IFT140: variants seen among roughly 807,000 people sequenced by gnomAD.
The protein encoded by IFT140 is intraflagellar transport protein 140 homolog.
In IFT140, 133 loss-of-function variants were observed where a neutral mutation model predicts 164.6. That is an observed-to-expected ratio of 0.81 (90% CI 0.70 to 0.93). The LOEUF (loss-of-function observed/expected upper bound fraction) is 0.93, where lower values mean the gene tolerates loss of function less well. Ranked by LOEUF, IFT140 falls within the 40% of genes least tolerant of loss-of-function variation. IFT140 has a pLI of 0.00. For synonymous variants in IFT140, 860 were observed against 817.3 expected (o/e 1.05, Z -0.89); for missense variants, 2,045 against 1,972.3 (o/e 1.04, Z -0.70).
chr16:1,569,543 T>C (rs1191834383), intron 14 of IFT140, among the ~76,000 whole-genome samples: 1 of 146,840 alleles, frequency 6.8e-6, no homozygotes, highest in Non-Finnish European at 1.5e-5. Context: ...TCTTTTTGTC[T>C]TTTCCCTCCA....
In IFT140 at chr16:1,587,231, T is replaced by C. The variant is rs1279880410; in HGVS notation, c.976A>G (p.Asn326Asp). 8.1e-6 allele frequency: 13 copies of C among 1,612,136 alleles called. No homozygotes were observed. Among genetic ancestry groups the C allele is most frequent in the Non-Finnish European group, 1.1e-5 (13 of 1,178,194 alleles). ...DEKFGFEKGE[N>D]MNCVCYCKVK... is the part of the protein sequence containing the mutation. ...TTACAGTAACACACACAGTTCATAT[T>C]CTCTCCTTTCTCAAAGCCAAACTTC... Residue 326 changes from asparagine (N) to aspartate (D), a missense_variant, in exon 9 of 31, where the codon AAT becomes GAT. By Grantham distance (23) the Asn-to-Asp change is conservative. Coordinates refer to ENST00000426508, the MANE Select transcript of IFT140 (RefSeq NM_014714.4).
rs1022757901 is a variant in IFT140, at chr16:1,555,202, T to C, written c.2399+2733A>G. 1.8e-5 allele frequency: 14 copies of C among 796,366 alleles called. No individual in the cohort carries two copies. In the Admixed American group the frequency reaches 3.0e-4, roughly 17 times the overall value. The allele number at this position is 796,366 out of a possible 1,614,324, so 49.3% of individuals were successfully genotyped here. A position where few individuals can be genotyped will look rare whatever the true frequency, so the allele number is the denominator to read the frequency against. ...TGCGTTTACTGTTATGTCGGTCATA[T>C]GTCTGTACGTGTCGTGGGCCAACCT... On this transcript the variant is annotated intron_variant, in intron 19 of 30. Coordinates refer to ENST00000426508, the MANE Select transcript of IFT140 (RefSeq NM_014714.4).
intron 8 of IFT140, 64 bp downstream of exon 8, chr16:1,587,869 G>T: frequency 7.8e-7 from 1 of 1,287,822 alleles, no homozygotes; most frequent in Non-Finnish European, 1.1e-6. Context: ...ACACAAAGCT[G>T]ACTTAGAGGA....
chr16:1,590,384 A>C (rs560574612), intron 6 of IFT140, among the ~76,000 whole-genome samples: 13 of 151,954 alleles, frequency 8.6e-5, no homozygotes, highest in African/African-American at 2.7e-4. Flanking sequence ...CGGAGCTCTG[A>C]GTCCACCTCA....
intron 11 of IFT140, 127 bp downstream of exon 11, chr16:1,584,090 T>TA (rs2034731118): frequency 1.4e-6 from 1 of 705,096 alleles, no homozygotes; most frequent in South Asian, 1.8e-5. Flanking sequence ...ATCCAGGAAA[T>TA]AAGAGAATCT....
chr16:1,563,038 A>G (rs73497599), intron 17 of IFT140, among the ~76,000 whole-genome samples: 3,771 of 152,056 alleles, frequency 0.025, 155 homozygotes, highest in African/African-American at 0.087. Flanking sequence ...GCAGACAAAG[A>G]GCCCTAGGAT....
intron 14 of IFT140, among the ~76,000 whole-genome samples, chr16:1,569,246 G>C (rs1303622393): frequency 6.6e-6 from 1 of 151,850 alleles, no homozygotes; most frequent in Non-Finnish European, 1.5e-5. Context: ...TTGACCTCGT[G>C]ATCCGCCCGC....
At chr16:1,560,112 C>T (rs1266838676) in intron 18 of IFT140, among the ~76,000 whole-genome samples, 6 of 152,198 alleles carry the variant, frequency 3.9e-5, no homozygotes, top group African/African-American at 7.2e-5. Context: ...ACATAAGAAA[C>T]GTAAAGCCAG....
chr16:1,611,192 C>A (rs922928517), intron 1 of IFT140, among the ~76,000 whole-genome samples: 1 of 152,208 alleles, frequency 6.6e-6, no homozygotes, highest in Non-Finnish European at 1.5e-5. Flanking sequence ...CAGAGCCAAG[C>A]GAGGCAGGGA....
intron 15 of IFT140, among the ~76,000 whole-genome samples, chr16:1,566,617 C>T (rs909865489): frequency 7.9e-5 from 12 of 152,154 alleles, no homozygotes; most frequent in African/African-American, 2.2e-4. Context: ...GCGGGATAAC[C>T]GTTCTCAGCT....
In IFT140 at chr16:1,565,239, C is replaced by T. The variant is rs1412634881; in HGVS notation, c.1901+922G>A. The stretch of plus-strand genomic sequence containing the variant: ...GGGACTAGAGGAAGGGTTCGAGGAG[C>T]GGCCCAAGAACAGTGGCAGCAGGGG... On this transcript the variant is annotated intron_variant, in intron 16 of 30. Transcript: ENST00000426508. Among the ~76,000 whole-genome samples the T allele has an allele frequency of 3.9e-5, 6 of 152,258 alleles. 1 individual carries two copies. In the South Asian group the frequency reaches 6.2e-4, roughly 16 times the overall value.
At chr16:1,524,158 CAG>C in intron 24 of IFT140, 1 of 693,238 alleles carries the variant, frequency 1.4e-6, no homozygotes, top group South Asian at 1.9e-5. Context: ...TTCTATTTCA[CAG>C]AGCACTGCAA....
intron 19 of IFT140, 78 bp downstream of exon 19, chr16:1,557,857 C>G (rs1299078199): frequency 2.1e-6 from 3 of 1,423,266 alleles, no homozygotes; most frequent in Non-Finnish European, 3.0e-6. Context: ...ACAGGCGAAC[C>G]AAGAAGGCAA....
intron 13 of IFT140, among the ~76,000 whole-genome samples, chr16:1,574,630 C>G (rs2034185722): frequency 6.6e-6 from 1 of 152,184 alleles, no homozygotes. Flanking sequence ...TTTTGGTCAA[C>G]AAAATGTACC....
intron 19 of IFT140, among the ~76,000 whole-genome samples, chr16:1,544,532 G>A (rs1426794959): frequency 6.6e-6 from 1 of 151,990 alleles, no homozygotes; most frequent in African/African-American, 2.4e-5. Flanking sequence ...GTTTCACCAT[G>A]TTGGTCCAGC....
Position 1,553,400 on chromosome 16 carries a change from G to A in IFT140, c.2399+4535C>T. ...GGCAGGGCATGATTTGGTTTCCTGGGGAATGCAGGGGAGGCGGTTGGGAGT... is the reference window on the plus strand; with the variant it reads ...GGCAGGGCATGATTTGGTTTCCTGGAGAATGCAGGGGAGGCGGTTGGGAGT... On this transcript the variant is annotated intron_variant, in intron 19 of 30. Coordinates refer to ENST00000426508, the MANE Select transcript of IFT140 (RefSeq NM_014714.4). The surrounding 1 kb of genome is among the most constrained non-coding windows in gnomAD (Gnocchi z 4.4). 4.1e-6 allele frequency: 4 copies of A among 985,388 alleles called. No homozygotes were observed. Among genetic ancestry groups the A allele is most frequent in the Non-Finnish European group, 4.8e-6 (4 of 829,930 alleles). 61.0% of individuals were successfully genotyped at this position (985,388 alleles called of 1,614,324 possible).
intron 9 of IFT140, 99 bp from the exon 10 acceptor site, chr16:1,586,374 CT>C: frequency 8.1e-7 from 1 of 1,240,094 alleles, no homozygotes; most frequent in Non-Finnish European, 1.1e-6. Flanking sequence ...AGCATCAGCC[CT>C]CGCCCAGTCT....
intron 30 of IFT140, among the ~76,000 whole-genome samples, chr16:1,511,901 C>T (rs1228608716): frequency 1.3e-5 from 2 of 151,460 alleles, no homozygotes; most frequent in Non-Finnish European, 2.9e-5. Context: ...AGGCCGAGGT[C>T]CTGCAGTGGC....
chr16:1,566,240 T>G lies in IFT140; in HGVS notation c.1822A>C (p.Thr608Pro). 1 of 1,613,912 alleles carries G rather than the reference T, an allele frequency of 6.2e-7. No individual in the cohort carries two copies. The highest frequency in any genetic ancestry group is 8.5e-7 in the Non-Finnish European group (1 of 1,179,796). ...KICFYDVEMDTVTVFDFKTGQ... is the reference protein window; with the variant it reads ...KICFYDVEMDPVTVFDFKTGQ... ...GTCTTGAAGTCAAAGACGGTCACTGTGTCCATTTCAACATCGTAGAAGCAG... is the reference window on the plus strand; with the variant it reads ...GTCTTGAAGTCAAAGACGGTCACTGGGTCCATTTCAACATCGTAGAAGCAG... Residue 608 changes from threonine (T) to proline (P), a missense_variant, in exon 16 of 31, where the codon ACA becomes CCA. Physicochemically the swap from Thr to Pro is conservative, Grantham distance 38 (BLOSUM62 -1). Coordinates refer to ENST00000426508, the MANE Select transcript of IFT140 (RefSeq NM_014714.4).
Sources: allele counts gnomAD v4.1 joint callset (sites outside exome capture counted in the v4.1 genomes callset), GRCh38; gene constraint gnomAD v4.1.1; non-coding constraint Gnocchi (gnomAD v3.1); transcripts MANE v1.5; gene names NCBI Gene and HGNC (gene_info 2026-07-23, HGNC 2026-07-21).